GIPC2: variants seen among roughly 807,000 people sequenced by gnomAD.
The protein encoded by GIPC2 is PDZ domain-containing protein GIPC2.
Under a neutral mutation model 30.6 loss-of-function variants are expected in GIPC2, and 30 were observed. The ratio of observed to expected loss-of-function variants is 0.98; its 90% CI spans 0.73 to 1.33. The LOEUF is 1.33. Ranked by LOEUF, GIPC2 falls within the 40% of genes most tolerant of loss-of-function variation. GIPC2 has a pLI of 0.00. For missense variants in GIPC2, 414 were observed against 390.3 expected (o/e 1.06, Z -0.51); for synonymous variants, 167 against 150.0 (o/e 1.11, Z -0.83).
intron 4 of GIPC2, 27 bp from the exon 5 acceptor site, chr1:78,125,854 A>G (rs1161063019): frequency 1.6e-6 from 2 of 1,251,112 alleles, no homozygotes; most frequent in East Asian, 2.3e-5. Flanking sequence ...GTTGTATAAT[A>G]TCTTATTTCT....
At chr1:78,099,017 T>C (rs1662192968) in intron 3 of GIPC2, among the ~76,000 whole-genome samples, 1 of 152,150 alleles carries the variant, frequency 6.6e-6, no homozygotes, top group Non-Finnish European at 1.5e-5. Context: ...GGAAAAAAAT[T>C]ACAGTACCAG....
chr1:78,123,850 G>A (rs1191328646), intron 4 of GIPC2, among the ~76,000 whole-genome samples: 1 of 152,192 alleles, frequency 6.6e-6, no homozygotes, highest in Non-Finnish European at 1.5e-5. Context: ...TGCATAGCCT[G>A]TTGCTTTATA....
At position 78,072,844 on chromosome 1, in the gene GIPC2, G is replaced by A. The variant is rs148885394; in HGVS notation, c.241-7831G>A. ...TTTTGAGACAGAGCCTTGCTCTGTC[G>A]CCCAGGCTGGAATGCAGTGGCATGA... On this transcript the variant is annotated intron_variant, in intron 1 of 5. Transcript: ENST00000370759. Among the ~76,000 whole-genome samples the A allele has an allele frequency of 6.0e-3, 907 of 151,944 alleles. 9 individuals carry two copies. The highest frequency in any genetic ancestry group is 0.021 in the African/African-American group (871 of 41,434).
At chr1:78,079,873 T>C (rs1661791954) in intron 1 of GIPC2, among the ~76,000 whole-genome samples, 1 of 152,108 alleles carries the variant, frequency 6.6e-6, no homozygotes, top group Non-Finnish European at 1.5e-5. Context: ...TTGGTAAACA[T>C]AAAAAGCCCC....
At chr1:78,108,906 T>C (rs1313376984) in intron 3 of GIPC2, among the ~76,000 whole-genome samples, 1 of 152,196 alleles carries the variant, frequency 6.6e-6, no homozygotes, top group Non-Finnish European at 1.5e-5. Context: ...TAAACCCTAC[T>C]AAACTGGCTT....
intron 2 of GIPC2, among the ~76,000 whole-genome samples, chr1:78,091,030 C>T (rs1444754148): frequency 6.6e-6 from 1 of 152,150 alleles, no homozygotes; most frequent in Non-Finnish European, 1.5e-5. Flanking sequence ...ATTTATAACC[C>T]AAAACTTTGT....
intron 1 of GIPC2, among the ~76,000 whole-genome samples, chr1:78,058,791 A>G (rs56236539): frequency 0.051 from 7,751 of 152,222 alleles, 455 homozygotes; most frequent in African/African-American, 0.15. Flanking sequence ...TTCCTGCATA[A>G]CAAACACTCC....
At chr1:78,057,511 A>G (rs1343775609) in intron 1 of GIPC2, among the ~76,000 whole-genome samples, 1 of 152,244 alleles carries the variant, frequency 6.6e-6, no homozygotes, top group African/African-American at 2.4e-5. Context: ...TTAATTTTTC[A>G]AAAGAAATCA....
chr1:78,127,215 AT>A (rs939753397), intron 5 of GIPC2, among the ~76,000 whole-genome samples: 6 of 152,104 alleles, frequency 3.9e-5, no homozygotes, highest in African/African-American at 7.2e-5. Context: ...CTCATATTCC[AT>A]TTTCCTTATA....
intron 1 of GIPC2, among the ~76,000 whole-genome samples, chr1:78,066,788 A>G (rs1661520662): frequency 1.3e-5 from 2 of 152,230 alleles, no homozygotes; most frequent in African/African-American, 4.8e-5. Flanking sequence ...AGAAACAGAA[A>G]ACCACATACT....
At chr1:78,046,442 A>C (rs1429697105) in intron 1 of GIPC2, 108 bp downstream of exon 1, 1 of 1,021,914 alleles carries the variant, frequency 9.8e-7, no homozygotes, top group African/African-American at 1.7e-5. Context: ...GGAGCGCGAA[A>C]TCCGATGCCG....
chr1:78,080,909 G>C, intron 2 of GIPC2, 49 bp downstream of exon 2: 1 of 1,116,166 alleles, frequency 9.0e-7, no homozygotes, highest in Non-Finnish European at 1.2e-6. Flanking sequence ...TAACATTTAA[G>C]AAAATCTACC....
intron 3 of GIPC2, among the ~76,000 whole-genome samples, chr1:78,098,003 T>C (rs574287430): frequency 2.2e-4 from 33 of 152,296 alleles, no homozygotes; most frequent in African/African-American, 6.3e-4. Flanking sequence ...AATTTCCTTA[T>C]AGGTAGGAAA....
intron 2 of GIPC2, among the ~76,000 whole-genome samples, chr1:78,090,007 ATCT>A (rs1467993535): frequency 2.6e-5 from 4 of 152,104 alleles, no homozygotes; most frequent in South Asian, 2.1e-4. Context: ...CACATCATAA[ATCT>A]TCTTTTGATT....
intron 2 of GIPC2, chr1:78,091,880 G>A: frequency 3.8e-6 from 3 of 781,882 alleles, no homozygotes; most frequent in Non-Finnish European, 4.7e-6. Context: ...GAAGAATGAA[G>A]TTGCTGATTC....
intron 1 of GIPC2, among the ~76,000 whole-genome samples, chr1:78,061,151 G>A (rs948751911): frequency 7.2e-5 from 11 of 152,146 alleles, no homozygotes; most frequent in Non-Finnish European, 4.4e-5. Context: ...AGGGTTTCCT[G>A]TGCTGCCTTT....
chr1:78,087,336 G>A (rs947709999), intron 2 of GIPC2, among the ~76,000 whole-genome samples: 3 of 152,198 alleles, frequency 2.0e-5, no homozygotes, highest in South Asian at 4.1e-4. Flanking sequence ...CATATTACCC[G>A]ACTTCAAACT....
intron 3 of GIPC2, among the ~76,000 whole-genome samples, chr1:78,118,756 T>C (rs1330162214): frequency 6.6e-6 from 1 of 152,160 alleles, no homozygotes; most frequent in Non-Finnish European, 1.5e-5. Context: ...CAGGAAAGCA[T>C]ATGAACTTTG....
upstream of GIPC2, chr1:78,045,647 A>C: frequency 1.1e-5 from 11 of 985,450 alleles, no homozygotes; most frequent in Non-Finnish European, 1.3e-5. Flanking sequence ...ACTTCTACTT[A>C]AATCCCTATC....
Sources: gnomAD v4.1 joint callset for allele counts (sites outside exome capture counted in the v4.1 genomes callset) on GRCh38, gnomAD v4.1.1 for gene constraint, MANE v1.5 for transcripts, NCBI Gene and HGNC (gene_info 2026-07-23, HGNC 2026-07-21) for gene names.